Variants in GPC6 observed in about 807,000 individuals in gnomAD.
GPC6 encodes the protein glypican 6.
In GPC6, 14 loss-of-function variants were observed where a neutral mutation model predicts 55.2. That is an observed-to-expected ratio of 0.25 (90% CI 0.17 to 0.40). The LOEUF is 0.40. Among genes scored for constraint, GPC6 ranks in the 10% least tolerant of loss-of-function variants. GPC6 has a pLI of 1.00. For missense variants in GPC6, 641 were observed against 708.5 expected, an observed-to-expected ratio of 0.90 and a Z score of 1.08; for synonymous variants, 278 against 259.6, an observed-to-expected ratio of 1.07 and a Z score of -0.68.
chr13:93,419,197 G>C lies in GPC6; in HGVS notation c.161-126066G>C, dbSNP rs191270779. 6.8e-4 allele frequency among the ~76,000 whole-genome samples: 103 copies of C among 151,304 alleles called. 2 individuals carry two copies. The East Asian group carries it at 0.015, about 23-fold the overall frequency. ...ATTTAATACTGGTACTTATATTCAG[G>C]TCAACATCTGGGTAAAAATGGGACT... is the stretch of plus-strand genomic sequence containing the variant. On this transcript the variant is annotated intron_variant, in intron 1 of 8. Coordinates refer to ENST00000377047, the MANE Select transcript of GPC6 (RefSeq NM_005708.5).
chr13:93,793,715 A>G (rs1220497859), intron 2 of GPC6, among the ~76,000 whole-genome samples: 2 of 152,192 alleles, frequency 1.3e-5, no homozygotes, highest in Non-Finnish European at 2.9e-5. Flanking sequence ...AGTCTGAAAT[A>G]CTAGTAGTTA....
intron 1 of GPC6, among the ~76,000 whole-genome samples, chr13:93,246,827 C>T (rs1876619305): frequency 2.1e-5 from 3 of 141,444 alleles, no homozygotes. Context: ...AGCCACTATG[C>T]ACACATTATA....
At chr13:94,167,585 A>G (rs572703173) in intron 4 of GPC6, among the ~76,000 whole-genome samples, 1 of 152,304 alleles carries the variant, frequency 6.6e-6, no homozygotes, top group African/African-American at 2.4e-5. Flanking sequence ...AGAGTTGAGG[A>G]CAAAAGAGTG....
chr13:93,546,456 G>A (rs1463853660), intron 2 of GPC6, among the ~76,000 whole-genome samples: 4 of 152,200 alleles, frequency 2.6e-5, no homozygotes, highest in African/African-American at 9.6e-5. Context: ...CGGAAGACAG[G>A]TCTACCTGGT....
At chr13:94,038,865 C>A (rs1317244106) in intron 4 of GPC6, among the ~76,000 whole-genome samples, 1 of 151,868 alleles carries the variant, frequency 6.6e-6, no homozygotes, top group Non-Finnish European at 1.5e-5. Context: ...ATAAGGGCAA[C>A]CTGGAAACCA....
chr13:94,149,261 C>A (rs1463546261), intron 4 of GPC6, among the ~76,000 whole-genome samples: 2 of 152,006 alleles, frequency 1.3e-5, no homozygotes, highest in African/African-American at 4.8e-5. Flanking sequence ...CGAAGTCCCC[C>A]AAGAGGACAC....
At chr13:93,942,816 TGTTACATGAAATTA>T (rs1187431613) in intron 3 of GPC6, among the ~76,000 whole-genome samples, 1 of 152,094 alleles carries the variant, frequency 6.6e-6, no homozygotes, top group Non-Finnish European at 1.5e-5. Flanking sequence ...TCTTGAAAAA[TGTTACATGAAATTA>T]GCAGTATAGT....
chr13:94,258,156 T>C (rs1020757148), intron 4 of GPC6, among the ~76,000 whole-genome samples: 1 of 152,158 alleles, frequency 6.6e-6, no homozygotes, highest in African/African-American at 2.4e-5. Flanking sequence ...CAGTTAAGTG[T>C]CATAGTTAGC....
At chr13:93,635,989 ACT>A (rs1304150617) in intron 2 of GPC6, among the ~76,000 whole-genome samples, 2 of 152,006 alleles carry the variant, frequency 1.3e-5, no homozygotes, top group African/African-American at 4.8e-5. Flanking sequence ...AGAGGACAAA[ACT>A]CGGCTCCACA....
chr13:93,757,826 C>T (rs924359105), intron 2 of GPC6, among the ~76,000 whole-genome samples: 1 of 152,052 alleles, frequency 6.6e-6, no homozygotes. Flanking sequence ...TCACATAGGG[C>T]TGGATAAGCT....
intron 1 of GPC6, among the ~76,000 whole-genome samples, chr13:93,239,050 AT>A (rs1264601480): frequency 2.6e-5 from 4 of 151,688 alleles, no homozygotes; most frequent in Non-Finnish European, 5.9e-5. Flanking sequence ...CCACAGTTTT[AT>A]TTTTTTGTCG....
intron 2 of GPC6, among the ~76,000 whole-genome samples, chr13:93,760,025 C>CCA (rs1555329519): frequency 2.7e-5 from 4 of 148,028 alleles, no homozygotes; most frequent in Non-Finnish European, 5.9e-5. Flanking sequence ...GCTGAGAAAA[C>CCA]AAAAAAAAAA....
At chr13:93,939,812 G>T (rs1169066488) in intron 3 of GPC6, among the ~76,000 whole-genome samples, 1 of 151,922 alleles carries the variant, frequency 6.6e-6, no homozygotes, top group Non-Finnish European at 1.5e-5. Context: ...TATTTAATGA[G>T]CAGATATATC....
At chr13:94,155,172 T>C (rs1257738209) in intron 4 of GPC6, among the ~76,000 whole-genome samples, 1 of 152,100 alleles carries the variant, frequency 6.6e-6, no homozygotes, top group African/African-American at 2.4e-5. Context: ...GCATTTTTGG[T>C]GGTAACCTAT....
At chr13:93,534,918 A>C (rs1345235785) in intron 1 of GPC6, among the ~76,000 whole-genome samples, 2 of 152,186 alleles carry the variant, frequency 1.3e-5, no homozygotes, top group Admixed American at 1.3e-4. Flanking sequence ...ATTCACTTCA[A>C]GTGCCCTAAG....
intron 1 of GPC6, among the ~76,000 whole-genome samples, chr13:93,424,232 CA>C (rs1877034523): frequency 6.6e-6 from 1 of 152,030 alleles, no homozygotes; most frequent in Non-Finnish European, 1.5e-5. Context: ...CCTCTGAGGC[CA>C]TCTGCCTCTG....
At chr13:93,805,486 A>T (rs908752898) in intron 2 of GPC6, among the ~76,000 whole-genome samples, 3 of 152,200 alleles carry the variant, frequency 2.0e-5, no homozygotes, top group African/African-American at 7.2e-5. Context: ...TTATATTTTT[A>T]AAATGTAGCC....
At chr13:93,992,448 C>T (rs1033588656) in intron 3 of GPC6, among the ~76,000 whole-genome samples, 1 of 152,030 alleles carries the variant, frequency 6.6e-6, no homozygotes, top group African/African-American at 2.4e-5. Flanking sequence ...AGAGGCAGGG[C>T]TTTTATATAA....
intron 1 of GPC6, among the ~76,000 whole-genome samples, chr13:93,345,481 G>GA (rs34419463): frequency 1.3e-5 from 2 of 150,800 alleles, no homozygotes; most frequent in Non-Finnish European, 3.0e-5. Context: ...CAAACACATG[G>GA]AAAAAAACTC....
Sources: allele counts gnomAD v4.1 joint callset (sites outside exome capture counted in the v4.1 genomes callset), GRCh38; gene constraint gnomAD v4.1.1; transcripts MANE v1.5; gene names NCBI Gene and HGNC (gene_info 2026-07-23, HGNC 2026-07-21).